Variants in SLC35G1 observed in about 807,000 individuals in gnomAD.
SLC35G1 encodes the protein partner of STIM1.
A neutral mutation model predicts 17.1 loss-of-function variants in SLC35G1; 10 were observed. That is an observed-to-expected ratio of 0.59 (90% CI 0.36 to 0.99). The LOEUF (loss-of-function observed/expected upper bound fraction) is 0.99, where lower values mean the gene tolerates loss of function less well. Ranked by LOEUF, SLC35G1 falls within the 50% of genes least tolerant of loss-of-function variation. The probability of loss-of-function intolerance (pLI) is 0.01; values close to 1 mark genes in which losing one functional copy is unlikely to be tolerated. For missense variants in SLC35G1, 433 were observed against 468.4 expected (o/e 0.92, Z 0.70); for synonymous variants, 185 against 181.1 (o/e 1.02, Z -0.18).
At chr10:93,905,266 C>T (rs542538102), downstream of SLC35G1, among the ~76,000 whole-genome samples, 70 of 152,204 alleles carry the variant, frequency 4.6e-4, no homozygotes, top group African/African-American at 1.7e-3. Context: ...CTTGATATCA[C>T]CCTGGTCTCT....
At chr10:93,908,995 G>C in exon 3 of SLC35G1, 1 of 152,238 alleles carries the variant, frequency 6.6e-6, no homozygotes, top group Admixed American at 6.5e-5. Context: ...TGGCAGGCTT[G>C]CTCCATTGTA....
At chr10:93,898,799 A>G (rs752913216) in intron 2 of SLC35G1, 48 bp downstream of exon 2, 5 of 1,530,958 alleles carry the variant, frequency 3.3e-6, no homozygotes, top group Admixed American at 2.0e-5. Flanking sequence ...AAATGTGTGT[A>G]TATCTTTTCA....
intron 1 of SLC35G1, 85 bp from the exon 2 acceptor site, chr10:93,898,486 C>T (rs1001669958): frequency 5.9e-6 from 8 of 1,358,486 alleles, no homozygotes; most frequent in Non-Finnish European, 8.1e-6. Flanking sequence ...ACCTTTGACA[C>T]TGTTCCATTT....
chr10:93,893,988 G>C lies in SLC35G1; in HGVS notation c.-46G>C, dbSNP rs935748265. 3 of 1,329,024 alleles carry C rather than the reference G, an allele frequency of 2.3e-6. No homozygotes were observed. The highest frequency in any genetic ancestry group is 1.9e-6 in the Non-Finnish European group (2 of 1,042,930). 82.3% of individuals were successfully genotyped at this position (1,329,024 alleles called of 1,614,324 possible). A position where few individuals can be genotyped will look rare whatever the true frequency, so the allele number is the denominator to read the frequency against. On this transcript the variant is annotated 5_prime_UTR_variant, in exon 1 of 3. Transcript: ENST00000427197. ...GAAGAGCGGCAGCCCAGGCGCTGCTGCTGGCGCCAGACGGCACCGGCCGCT... is the reference window on the plus strand; with the variant it reads ...GAAGAGCGGCAGCCCAGGCGCTGCTCCTGGCGCCAGACGGCACCGGCCGCT...
chr10:93,909,044 C>A (rs2060443767), exon 3 of SLC35G1: 1 of 152,256 alleles, frequency 6.6e-6, no homozygotes. Context: ...CCCAGCTTTT[C>A]TCCCCAAAGC....
intron 2 of SLC35G1, among the ~76,000 whole-genome samples, chr10:93,899,776 G>A (rs138173302): frequency 2.0e-5 from 3 of 152,222 alleles, no homozygotes; most frequent in African/African-American, 7.2e-5. Context: ...AATTTCTAAG[G>A]GTAGCAGCAG....
In SLC35G1 at chr10:93,894,097, G is replaced by C. The variant is rs1431131047; in HGVS notation, c.64G>C (p.Asp22His). 6.7e-7 allele frequency: 1 copy of C among 1,487,006 alleles called. No individual in the cohort carries two copies. Among genetic ancestry groups the C allele is most frequent in the South Asian group, 1.3e-5 (1 of 79,380 alleles). The allele number at this position is 1,487,006 out of a possible 1,614,324, so 92.1% of individuals were successfully genotyped here. A position where few individuals can be genotyped will look rare whatever the true frequency, so the allele number is the denominator to read the frequency against. Residue 22 changes from aspartate (D) to histidine (H), a missense_variant, in exon 1 of 3, where the codon GAT (aspartate) becomes CAT (histidine). Coordinates refer to ENST00000427197, the MANE Select transcript of SLC35G1 (RefSeq NM_001134658.3). ...LQEPGLPLTD[D>H]APPGATEEPA... ...GGAGCCCGGGCTGCCGCTAACGGAC[G>C]ATGCACCCCCGGGCGCCACTGAGGA... is the stretch of plus-strand genomic sequence containing the variant.
chr10:93,909,184 C>T (rs1018696377), exon 3 of SLC35G1: 2 of 152,184 alleles, frequency 1.3e-5, no homozygotes, highest in African/African-American at 4.8e-5. Context: ...GTCCCTGCAA[C>T]AAGCCTGTTT....
chr10:93,901,095 G>T lies in SLC35G1; in HGVS notation c.703G>T (p.Ala235Ser), dbSNP rs762190039. The change falls in exon 3 of 3, where the codon GCT (alanine) becomes TCT (serine). Residue 235 changes from alanine to serine, a missense_variant. By Grantham distance (99) the Ala-to-Ser change is moderately conservative. Transcript: ENST00000427197. Reference sequence around the variant, plus strand: ...CGCAGCAATTGGAAGTGCCGTATTTGCTGCATCGACTCTAGTTATCCTAAG... The same window carrying T: ...CGCAGCAATTGGAAGTGCCGTATTTTCTGCATCGACTCTAGTTATCCTAAG... ...TFAAIGSAVF[A>S]ASTLVILRKM... The T allele has an allele frequency of 1.2e-6, 2 of 1,614,116 alleles. No homozygotes were observed. The highest frequency in any genetic ancestry group is 3.3e-5 in the Admixed American group (2 of 60,016).
rs375074360 is a variant in SLC35G1, at chr10:93,901,425, G to A, written c.1033G>A (p.Ala345Thr). 26 of 1,613,758 alleles carry A rather than the reference G, an allele frequency of 1.6e-5. No homozygotes were observed. Among genetic ancestry groups the A allele is most frequent in the Non-Finnish European group, 2.0e-5 (24 of 1,179,934 alleles). ...GCCAACGTGGTGGACAGTGGGTGGT[G>A]CTCTCTGCGTAGTAGCCAGTAATGT... Reference protein sequence around the residue: ...NVPTWWTVGGALCVVASNVGA... With the variant: ...NVPTWWTVGGTLCVVASNVGA... The change falls in exon 3 of 3, where the codon GCT (alanine) becomes ACT (threonine). Residue 345 changes from alanine (A) to threonine (T), a missense_variant. By Grantham distance (58) the Ala-to-Thr change is moderately conservative (BLOSUM62 0). Coordinates refer to ENST00000427197, the MANE Select transcript of SLC35G1 (RefSeq NM_001134658.3).
At position 93,895,245 on chromosome 10, in the gene SLC35G1, C is replaced by T. The variant is rs539817000; in HGVS notation, c.178+1034C>T. On this transcript the variant is annotated intron_variant, in intron 1 of 2. Transcript: ENST00000427197. ...GTGCACTTTCCCCAAGTTAGAGAGA[C>T]AGACTCTAGGAAGACTATTCTTGCT... 1.2e-3 allele frequency among the ~76,000 whole-genome samples: 178 copies of T among 152,272 alleles called. 4 individuals are homozygous for T. The South Asian group carries it at 0.035, about 30-fold the overall frequency.
intron 2 of SLC35G1, among the ~76,000 whole-genome samples, chr10:93,899,161 A>G (rs1359897072): frequency 2.0e-5 from 3 of 152,184 alleles, no homozygotes; most frequent in Non-Finnish European, 4.4e-5. Context: ...GGCAAATAGA[A>G]GATTATAGTA....
At chr10:93,905,220 C>T (rs1189139588), downstream of SLC35G1, among the ~76,000 whole-genome samples, 1 of 152,118 alleles carries the variant, frequency 6.6e-6, no homozygotes, top group East Asian at 1.9e-4. Flanking sequence ...TATTTACTCT[C>T]TTGAGGGCAT....
Position 93,898,663 on chromosome 10 carries a change from A to G in SLC35G1, c.271A>G (p.Lys91Glu), listed in dbSNP as rs764611932. 5 of 1,614,052 alleles carry G rather than the reference A, an allele frequency of 3.1e-6. No homozygotes were observed. In the Admixed American group the frequency reaches 5.0e-5, roughly 16 times the overall value. Residue 91 changes from lysine (K) to glutamate (E), a missense_variant, in exon 2 of 3, where the codon AAA becomes GAA. Lys to Glu is a moderately conservative substitution (Grantham distance 56, BLOSUM62 1). Coordinates refer to ENST00000427197, the MANE Select transcript of SLC35G1 (RefSeq NM_001134658.3). ...LFSVGSLFVKKVQDVHAVEIS... is the reference protein window; with the variant it reads ...LFSVGSLFVKEVQDVHAVEIS... ...CTCAGTGGGCTCTTTATTTGTTAAA[A>G]AAGTGCAAGACGTCCATGCTGTAGA...
At position 93,902,449 on chromosome 10, in the gene SLC35G1, A is replaced by G. The variant is rs944532692; in HGVS notation, c.*959A>G. ...TCTCAGGATCTTATTAGGTTGAACCATATGTAATTGCCAAGATTTTACTAT... is the reference window on the plus strand; with the variant it reads ...TCTCAGGATCTTATTAGGTTGAACCGTATGTAATTGCCAAGATTTTACTAT... On this transcript the variant is annotated 3_prime_UTR_variant, in exon 3 of 3. Coordinates refer to ENST00000427197, the MANE Select transcript of SLC35G1 (RefSeq NM_001134658.3). 1.3e-5 allele frequency: 2 copies of G among 152,612 alleles called. No individual in the cohort carries two copies. Among genetic ancestry groups the G allele is most frequent in the African/African-American group, 4.8e-5 (2 of 41,450 alleles). 9.5% of individuals were successfully genotyped at this position (152,612 alleles called of 1,614,324 possible).
chr10:93,906,721 G>A (rs943360466), downstream of SLC35G1, among the ~76,000 whole-genome samples: 7 of 151,858 alleles, frequency 4.6e-5, no homozygotes, highest in Admixed American at 3.9e-4. Context: ...GATATATAGG[G>A]GATAAGAATA....
chr10:93,904,344 C>T (rs1186752707), downstream of SLC35G1, among the ~76,000 whole-genome samples: 3 of 152,156 alleles, frequency 2.0e-5, no homozygotes, highest in Non-Finnish European at 4.4e-5. Context: ...TTCACTGTTA[C>T]TCTAGTTCTC....
At position 93,901,504 on chromosome 10, in the gene SLC35G1, A is replaced by G. The variant is rs761247487; in HGVS notation, c.*14A>G. ...AGTTCCAAATGAAGCATCATTGCTG[A>G]AATACATATTTTTTTCAAGTACACC... On this transcript the variant is annotated 3_prime_UTR_variant, in exon 3 of 3. Coordinates refer to ENST00000427197, the MANE Select transcript of SLC35G1 (RefSeq NM_001134658.3). The G allele has an allele frequency of 6.4e-7, 1 of 1,566,478 alleles. No individual in the cohort carries two copies. The highest frequency in any genetic ancestry group is 2.2e-5 in the East Asian group (1 of 44,454).
rs146445321 is a variant in SLC35G1 at position 93,900,861 on chromosome 10, G to T, written c.469G>T (p.Ala157Ser). Residue 157 changes from alanine to serine, a missense_variant, in exon 3 of 3, where the codon GCT (alanine) becomes TCT (serine). Ala to Ser is a moderately conservative substitution (Grantham distance 99). Coordinates refer to ENST00000427197, the MANE Select transcript of SLC35G1 (RefSeq NM_001134658.3). ...CTATGCTTACCAGACAATGTCCCTC[G>T]CTGATGCCACAGTTATCACGTTTAG... is the stretch of plus-strand genomic sequence containing the variant. ...IYYAYQTMSL[A>S]DATVITFSSP... 6.2e-7 allele frequency: 1 copy of T among 1,613,866 alleles called. No homozygotes were observed. The highest frequency in any genetic ancestry group is 8.5e-7 in the Non-Finnish European group (1 of 1,179,952).
Sources: gnomAD v4.1 joint callset for allele counts (sites outside exome capture counted in the v4.1 genomes callset) on GRCh38, gnomAD v4.1.1 for gene constraint, MANE v1.5 for transcripts, NCBI Gene and HGNC (gene_info 2026-07-23, HGNC 2026-07-21) for gene names.